PSMB2: variants seen among roughly 807,000 people sequenced by gnomAD.
The protein encoded by PSMB2 is proteasome 20S subunit beta 2.
In PSMB2, 13 loss-of-function variants were observed where a neutral mutation model predicts 25.7. The ratio of observed to expected loss-of-function variants is 0.51; its 90% CI spans 0.33 to 0.80. PSMB2 has a LOEUF of 0.80. PSMB2 is among the 30% of genes least tolerant of loss of function. PSMB2 has a pLI of 0.02. For synonymous variants in PSMB2, 87 were observed against 96.2 expected (o/e 0.90, Z 0.56); for missense variants, 202 against 259.0 (o/e 0.78, Z 1.51).
At chr1:35,615,438 G>A (rs1650464915) in intron 3 of PSMB2, among the ~76,000 whole-genome samples, 1 of 152,132 alleles carries the variant, frequency 6.6e-6, no homozygotes, top group African/African-American at 2.4e-5. Flanking sequence ...TCCAACTCTT[G>A]TGCATATGAC....
At chr1:35,603,774 G>C (rs1469322405) in intron 5 of PSMB2, among the ~76,000 whole-genome samples, 1 of 152,200 alleles carries the variant, frequency 6.6e-6, no homozygotes, top group Non-Finnish European at 1.5e-5. Flanking sequence ...CAGAGGCCAG[G>C]AGCTGTGGCT....
intron 2 of PSMB2, among the ~76,000 whole-genome samples, chr1:35,632,974 C>T (rs1450791068): frequency 6.6e-6 from 1 of 152,014 alleles, no homozygotes; most frequent in Non-Finnish European, 1.5e-5. Flanking sequence ...TCCCAGAACA[C>T]TTTGGGAGGC....
At chr1:35,636,031 A>C (rs1651237634) in intron 2 of PSMB2, among the ~76,000 whole-genome samples, 1 of 152,154 alleles carries the variant, frequency 6.6e-6, no homozygotes, top group Non-Finnish European at 1.5e-5. Flanking sequence ...ATTAAATTAA[A>C]ATGAGTTCCT....
chr1:35,631,333 A>G lies in PSMB2; in HGVS notation c.226T>C (p.Ser76Pro), dbSNP rs749812795. 1.2e-6 allele frequency: 2 copies of G among 1,614,156 alleles called. No homozygotes were observed. Among genetic ancestry groups the G allele is most frequent in the Non-Finnish European group, 1.7e-6 (2 of 1,179,992 alleles). ...GTGAAGTTAGCTGCTGCCGTGGGAG[A>G]CAATTCATATCCTGGTAGAAGAGAT... ...LYKMRNGYELSPTAAANFTRR... is the reference protein window; with the variant it reads ...LYKMRNGYELPPTAAANFTRR... The change falls in exon 3 of 6, where the codon TCT becomes CCT. Residue 76 changes from serine (S) to proline (P), a missense_variant. Transcript: ENST00000373237.
At chr1:35,628,114 A>T (rs901284554) in intron 3 of PSMB2, among the ~76,000 whole-genome samples, 1 of 152,196 alleles carries the variant, frequency 6.6e-6, no homozygotes, top group African/African-American at 2.4e-5. Flanking sequence ...ACTAAAATAT[A>T]AATTCATATT....
intron 3 of PSMB2, among the ~76,000 whole-genome samples, chr1:35,621,306 G>A (rs1650673623): frequency 6.6e-6 from 1 of 152,192 alleles, no homozygotes; most frequent in Non-Finnish European, 1.5e-5. Flanking sequence ...TCACTCTGCA[G>A]TGCAATTGAC....
rs562807665 is a variant in PSMB2 at position 35,610,002 on chromosome 1, T to G, written c.286-594A>C. On this transcript the variant is annotated intron_variant, in intron 3 of 5. Coordinates refer to ENST00000373237, the MANE Select transcript of PSMB2 (RefSeq NM_002794.5). Reference sequence around the variant, plus strand: ...TAGGTGCTCTTTTGTCATTCCTAATTGTTGAAACCAACGAACAATTCTGAG... The same window carrying G: ...TAGGTGCTCTTTTGTCATTCCTAATGGTTGAAACCAACGAACAATTCTGAG... Among the ~76,000 whole-genome samples the G allele has an allele frequency of 2.7e-4, 41 of 152,336 alleles. 1 individual carries two copies. Among genetic ancestry groups the G allele is most frequent in the African/African-American group, 9.9e-4 (41 of 41,580 alleles).
chr1:35,609,403 T>A lies in PSMB2; in HGVS notation c.291A>T (p.Pro97=). 6.5e-7 allele frequency: 1 copy of A among 1,540,570 alleles called. No homozygotes were observed. Among genetic ancestry groups the A allele is most frequent in the Non-Finnish European group, 8.8e-7 (1 of 1,138,784 alleles). Residue 97 remains proline (P), a synonymous_variant, in exon 4 of 6, where the codon CCA becomes CCT. Transcript: ENST00000373237. ...CAGCCAGGAGGAGGTTCACATGATA[T>A]GGGGTCTGCAAAGAAAAGATATGGC... ...NLADCLRSRT[P]YHVNLLLAGY...
chr1:35,606,579 C>T (rs1042231435), intron 4 of PSMB2, among the ~76,000 whole-genome samples: 5 of 152,076 alleles, frequency 3.3e-5, no homozygotes, highest in Admixed American at 2.0e-4. Context: ...ACATCTCATG[C>T]TCATGGATCA....
chr1:35,634,245 G>A (rs1001414193), intron 2 of PSMB2, among the ~76,000 whole-genome samples: 2 of 152,156 alleles, frequency 1.3e-5, no homozygotes, highest in Non-Finnish European at 2.9e-5. Context: ...ATTTTCATAT[G>A]TATTATTCAT....
chr1:35,599,950 T>C lies in PSMB2; in HGVS notation c.*3317A>G, dbSNP rs188046020. 478 of 753,098 alleles carry C rather than the reference T, an allele frequency of 6.3e-4. 4 individuals are homozygous for C. The Middle Eastern group carries it at 0.012, about 18-fold the overall frequency. 46.7% of individuals were successfully genotyped at this position (753,098 alleles called of 1,614,324 possible). A position where few individuals can be genotyped will look rare whatever the true frequency, so the allele number is the denominator to read the frequency against. ...GAGTTCGAGACCAGCCTAGGCAACA[T>C]GGCGAGACCCTGTCTCTACAAAAAA... On this transcript the variant is annotated 3_prime_UTR_variant, in exon 6 of 6. Transcript: ENST00000373237.
chr1:35,628,765 A>C (rs1650995198), intron 3 of PSMB2, among the ~76,000 whole-genome samples: 1 of 150,494 alleles, frequency 6.6e-6, no homozygotes, highest in Admixed American at 6.7e-5. Flanking sequence ...CTCAGATTGT[A>C]CAAGCCCTTG....
chr1:35,610,951 G>A (rs1461897895), intron 3 of PSMB2, among the ~76,000 whole-genome samples: 4 of 152,132 alleles, frequency 2.6e-5, no homozygotes, highest in Non-Finnish European at 5.9e-5. Flanking sequence ...AGAGAACCAT[G>A]ACTGAGTCTG....
intron 2 of PSMB2, among the ~76,000 whole-genome samples, chr1:35,633,469 T>C (rs1275968311): frequency 1.7e-5 from 2 of 120,590 alleles, no homozygotes; most frequent in Admixed American, 1.7e-4. Flanking sequence ...TAAGGGTCTT[T>C]AAGGGCAATT....
At chr1:35,603,938 C>T (rs1650083018) in intron 5 of PSMB2, among the ~76,000 whole-genome samples, 1 of 148,202 alleles carries the variant, frequency 6.7e-6, no homozygotes, top group Non-Finnish European at 1.5e-5. Flanking sequence ...GGGAGGATCG[C>T]TTGAGTTCCA....
chr1:35,633,151 C>A (rs1030207804), intron 2 of PSMB2, among the ~76,000 whole-genome samples: 1 of 150,782 alleles, frequency 6.6e-6, no homozygotes, highest in Non-Finnish European at 1.5e-5. Flanking sequence ...CACCCAGGAG[C>A]TGGAAGTTGC....
rs755678058 is a variant in PSMB2, at chr1:35,641,471, C to T, written c.-39G>A. The stretch of plus-strand genomic sequence containing the variant: ...CAGGGGCTGCAGGTCCGACACAGCA[C>T]GAGACTCGCCCGCTTCCAGGTCTCA... On this transcript the variant is annotated 5_prime_UTR_variant, in exon 1 of 6. The change creates a new upstream start codon in the 5' untranslated region. Transcript: ENST00000373237. 7.4e-6 allele frequency: 12 copies of T among 1,613,150 alleles called. No homozygotes were observed. The South Asian group carries it at 1.2e-4, about 16-fold the overall frequency.
intron 3 of PSMB2, among the ~76,000 whole-genome samples, chr1:35,618,831 A>G (rs1557451867): frequency 1.3e-5 from 2 of 152,216 alleles, no homozygotes. Flanking sequence ...TACTATAATG[A>G]GCTTCACAAA....
Position 35,636,320 on chromosome 1 carries a change from C to G in PSMB2, c.204G>C (p.Lys68Asn), listed in dbSNP as rs1191413921. The G allele has an allele frequency of 6.2e-7, 1 of 1,613,960 alleles. No individual in the cohort carries two copies. Among genetic ancestry groups the G allele is most frequent in the Non-Finnish European group, 8.5e-7 (1 of 1,180,004 alleles). The change falls in exon 2 of 6, where the codon AAG becomes AAC. Residue 68 changes from lysine (K) to asparagine (N), a missense_variant. By Grantham distance (94) the Lys-to-Asn change is moderately conservative. Transcript: ENST00000373237. ...EYIQKNVQLY[K>N]MRNGYELSPT... is the part of the protein sequence containing the mutation. ...GTAAGTCTTACCCACCATTTCGCAT[C>G]TTATAAAGTTGCACGTTTTTCTGAA... is the stretch of plus-strand genomic sequence containing the variant.
Sources: gnomAD v4.1 joint callset for allele counts (sites outside exome capture counted in the v4.1 genomes callset) on GRCh38, gnomAD v4.1.1 for gene constraint, MANE v1.5 for transcripts, NCBI Gene and HGNC (gene_info 2026-07-23, HGNC 2026-07-21) for gene names.